FARP1: variants seen among roughly 807,000 people sequenced by gnomAD.
FARP1 encodes FERM, ARH/RhoGEF and pleckstrin domain protein 1.
A neutral mutation model predicts 128.8 loss-of-function variants in FARP1; 52 were observed. The ratio of observed to expected loss-of-function variants is 0.40; its 90% CI spans 0.32 to 0.51. The LOEUF (loss-of-function observed/expected upper bound fraction) is 0.51. Ranked by LOEUF, FARP1 falls within the 20% of genes least tolerant of loss-of-function variation. The pLI, the probability that FARP1 is intolerant of heterozygous loss-of-function variation, is 0.45. For missense variants in FARP1, 1,333 were observed against 1,367.9 expected (o/e 0.97, Z 0.40); for synonymous variants, 580 against 551.8 (o/e 1.05, Z -0.72).
chr13:98,170,636 G>A (rs1328402010), intron 1 of FARP1, among the ~76,000 whole-genome samples: 2 of 152,134 alleles, frequency 1.3e-5, no homozygotes, highest in Non-Finnish European at 1.5e-5. Context: ...GATTACAGGT[G>A]TGAGCCACCG....
intron 24 of FARP1, among the ~76,000 whole-genome samples, chr13:98,443,186 C>G (rs970746392): frequency 6.6e-6 from 1 of 152,214 alleles, no homozygotes; most frequent in African/African-American, 2.4e-5. Flanking sequence ...CAGTTTTGCC[C>G]CTTGGCCTGC....
intron 2 of FARP1, among the ~76,000 whole-genome samples, chr13:98,330,807 G>A (rs1594410638): frequency 6.6e-6 from 1 of 152,052 alleles, no homozygotes; most frequent in South Asian, 2.1e-4. Flanking sequence ...ATTAAGCTGC[G>A]TGGTATCCCA....
At position 98,298,576 on chromosome 13, in the gene FARP1, C is replaced by G. The variant is rs1251820031; in HGVS notation, c.172-45186C>G. On this transcript the variant is annotated intron_variant, in intron 2 of 26. Coordinates refer to ENST00000319562, the MANE Select transcript of FARP1 (RefSeq NM_005766.4). ...TTCAAGTATTTTGTGTTTGCTCTGC[C>G]AGCTGTTCCCAGGAATGGAGTGAAA... 2.0e-5 allele frequency among the ~76,000 whole-genome samples: 3 copies of G among 152,098 alleles called. No homozygotes were observed. In the East Asian group the frequency reaches 5.8e-4, roughly 29 times the overall value.
At chr13:98,372,275 C>T (rs980902791) in intron 5 of FARP1, among the ~76,000 whole-genome samples, 31 of 151,796 alleles carry the variant, frequency 2.0e-4, no homozygotes, top group Non-Finnish European at 1.5e-4. Flanking sequence ...TTAGTAGAGA[C>T]GGGGTTTCAC....
chr13:98,358,879 C>A (rs1199465162), intron 3 of FARP1, among the ~76,000 whole-genome samples: 1 of 152,098 alleles, frequency 6.6e-6, no homozygotes, highest in Non-Finnish European at 1.5e-5. Flanking sequence ...CCTTGTGATT[C>A]GCCTGCCTCA....
intron 2 of FARP1, among the ~76,000 whole-genome samples, chr13:98,292,551 A>G (rs1216736054): frequency 1.3e-5 from 2 of 152,240 alleles, no homozygotes; most frequent in East Asian, 1.9e-4. Flanking sequence ...ATAAAATTGA[A>G]AACACAGTTG....
At chr13:98,252,005 G>C (rs1170921915) in intron 2 of FARP1, among the ~76,000 whole-genome samples, 1 of 144,884 alleles carries the variant, frequency 6.9e-6, no homozygotes, top group Non-Finnish European at 1.5e-5. Flanking sequence ...CTGCCACCAT[G>C]CCCGGTTATT....
chr13:98,149,928 A>T (rs1421167070), intron 1 of FARP1, among the ~76,000 whole-genome samples: 1 of 150,750 alleles, frequency 6.6e-6, no homozygotes, highest in Non-Finnish European at 1.5e-5. Context: ...TAGTAGAGAC[A>T]GGGTTTCACC....
intron 2 of FARP1, among the ~76,000 whole-genome samples, chr13:98,236,853 G>T (rs1199553130): frequency 2.0e-5 from 3 of 152,066 alleles, no homozygotes; most frequent in African/African-American, 4.8e-5. Flanking sequence ...TTCGCCAGGC[G>T]TGGTGGCACA....
At chr13:98,182,093 C>G (rs1290403400) in intron 1 of FARP1, among the ~76,000 whole-genome samples, 3 of 151,676 alleles carry the variant, frequency 2.0e-5, no homozygotes, top group African/African-American at 7.3e-5. Flanking sequence ...AAAAATAGAA[C>G]TGACCTATGC....
chr13:98,381,579 A>T (rs997801409), intron 6 of FARP1: 20 of 152,234 alleles, frequency 1.3e-4, no homozygotes, highest in Admixed American at 2.6e-4. Context: ...GAAGAGAAGA[A>T]TCAGCTACTA....
intron 21 of FARP1, among the ~76,000 whole-genome samples, 168 bp from the exon 22 acceptor site, chr13:98,439,793 G>A (rs972047091): frequency 6.6e-6 from 1 of 152,082 alleles, no homozygotes; most frequent in Non-Finnish European, 1.5e-5. Context: ...TCGCCTTTCC[G>A]ATTTGGGTTT....
chr13:98,182,135 C>T (rs997835138), intron 1 of FARP1, among the ~76,000 whole-genome samples: 1 of 151,958 alleles, frequency 6.6e-6, no homozygotes, highest in African/African-American at 2.4e-5. Flanking sequence ...AAAATTTTAT[C>T]AGTTAATTAT....
At position 98,326,194 on chromosome 13, in the gene FARP1, T is replaced by A. The variant is rs555429366; in HGVS notation, c.172-17568T>A. ...ATAGTGTTTTGTTTCTGCTTTTGTG[T>A]TTGTCTTCCAAGCAATTAATAAACC... On this transcript the variant is annotated intron_variant, in intron 2 of 26. Transcript: ENST00000319562. Among the ~76,000 whole-genome samples, 171 of 152,304 alleles carry A rather than the reference T, an allele frequency of 1.1e-3. 2 individuals are homozygous for A. The highest frequency in any genetic ancestry group is 2.9e-3 in the East Asian group (15 of 5,186).
At chr13:98,439,471 G>A (rs1046704286) in intron 21 of FARP1, among the ~76,000 whole-genome samples, 4 of 152,130 alleles carry the variant, frequency 2.6e-5, no homozygotes, top group Admixed American at 6.5e-5. Flanking sequence ...TTATAGAATC[G>A]AGTGAAAGGG....
intron 2 of FARP1, among the ~76,000 whole-genome samples, chr13:98,305,915 C>T (rs562617163): frequency 8.6e-5 from 13 of 151,914 alleles, no homozygotes; most frequent in African/African-American, 2.9e-4. Flanking sequence ...TTTCAGTTAC[C>T]CATTTTTGTA....
At chr13:98,414,292 A>T (rs1388231494) in intron 16 of FARP1, among the ~76,000 whole-genome samples, 4 of 152,234 alleles carry the variant, frequency 2.6e-5, no homozygotes, top group African/African-American at 9.6e-5. Flanking sequence ...GAGAAAGCAG[A>T]TAGTCAACAA....
At chr13:98,317,678 A>G (rs933703711) in intron 2 of FARP1, among the ~76,000 whole-genome samples, 1 of 152,184 alleles carries the variant, frequency 6.6e-6, no homozygotes, top group Non-Finnish European at 1.5e-5. Context: ...TGGGGCTGTC[A>G]TAACCACACG....
intron 2 of FARP1, among the ~76,000 whole-genome samples, chr13:98,246,902 C>T (rs995771814): frequency 3.0e-4 from 45 of 152,150 alleles, no homozygotes; most frequent in African/African-American, 8.4e-4. Context: ...TACACAGAAC[C>T]GAGGGCTGGA....
Sources: gnomAD v4.1 joint callset for allele counts (sites outside exome capture counted in the v4.1 genomes callset) on GRCh38, gnomAD v4.1.1 for gene constraint, MANE v1.5 for transcripts, NCBI Gene and HGNC (gene_info 2026-07-23, HGNC 2026-07-21) for gene names.